Variants in XKR6 observed in about 807,000 individuals in gnomAD.
XKR6 encodes the protein XK-related protein 6.
Under a neutral mutation model 56.7 loss-of-function variants are expected in XKR6, and 22 were observed. The ratio of observed to expected loss-of-function variants is 0.39; its 90% confidence interval spans 0.28 to 0.55. The LOEUF is 0.55. Among genes scored for constraint, XKR6 ranks in the 20% least tolerant of loss-of-function variants. The pLI is 0.66. For missense variants in XKR6, 852 were observed against 889.0 expected (o/e 0.96, Z 0.53); for synonymous variants, 524 against 387.8 (o/e 1.35, Z -4.13).
At position 11,059,252 on chromosome 8, in the gene XKR6, C is replaced by T. The variant is rs150460975; in HGVS notation, c.765-134422G>A. Among the ~76,000 whole-genome samples, 1,164 of 151,616 alleles carry T rather than the reference C, an allele frequency of 7.7e-3. 16 individuals are homozygous for T. The highest frequency in any genetic ancestry group is 9.2e-3 in the Non-Finnish European group (625 of 67,754). On this transcript the variant is annotated intron_variant, in intron 1 of 2. Transcript: ENST00000416569. Reference sequence around the variant, plus strand: ...CCTGCGCTGGCCAGCGTCGTGTAGGCCGGGCCCAGCGCGGTCCTGGCGCCT... The same window carrying T: ...CCTGCGCTGGCCAGCGTCGTGTAGGTCGGGCCCAGCGCGGTCCTGGCGCCT...
At chr8:11,040,813 A>C (rs1799267826) in intron 1 of XKR6, among the ~76,000 whole-genome samples, 1 of 152,156 alleles carries the variant, frequency 6.6e-6, no homozygotes, top group Non-Finnish European at 1.5e-5. Flanking sequence ...GGGGGACATT[A>C]ACACTCTGGC....
intron 1 of XKR6, among the ~76,000 whole-genome samples, chr8:11,122,666 G>A (rs1291079800): frequency 1.3e-5 from 2 of 152,168 alleles, no homozygotes; most frequent in East Asian, 1.9e-4. Context: ...TAATGTAATT[G>A]TTCTTCAAAA....
intron 2 of XKR6, among the ~76,000 whole-genome samples, chr8:10,919,256 G>C (rs1209190991): frequency 6.6e-6 from 1 of 152,182 alleles, no homozygotes; most frequent in Non-Finnish European, 1.5e-5. Flanking sequence ...TTCCCAAGTT[G>C]GTTCCTGCTC....
chr8:11,000,522 TA>T (rs1489744331), intron 1 of XKR6, among the ~76,000 whole-genome samples: 2 of 151,958 alleles, frequency 1.3e-5, no homozygotes, highest in African/African-American at 4.8e-5. Context: ...CCCCGTCTAC[TA>T]AAAATGCAAA....
rs373676910 is a variant in XKR6, at chr8:10,898,711, G to A, written c.1167C>T (p.Phe389=). 1.8e-5 allele frequency: 29 copies of A among 1,613,950 alleles called. No individual in the cohort carries two copies. Among genetic ancestry groups the A allele is most frequent in the African/African-American group, 2.7e-5 (2 of 74,856 alleles). The change falls in exon 3 of 3, where the codon TTC becomes TTT. Residue 389 remains phenylalanine, a synonymous_variant. Transcript: ENST00000416569. The surrounding 1 kb of genome is among the most constrained non-coding windows in gnomAD (Gnocchi z 6.6). The part of the protein sequence containing the change: ...ASIFQLYFGI[F]VVVHWCAMAF... ...CCATGGCGCACCAGTGAACCACCAC[G>A]AAGATCCCAAAATAGAGCTGGAAGA... is the stretch of plus-strand genomic sequence containing the variant.
chr8:11,014,756 C>T (rs998670271), intron 1 of XKR6, among the ~76,000 whole-genome samples: 10 of 152,250 alleles, frequency 6.6e-5, no homozygotes, highest in Admixed American at 3.3e-4. Context: ...AGAAAAAGCC[C>T]TTTTGGGACC....
intron 1 of XKR6, among the ~76,000 whole-genome samples, chr8:11,076,069 A>G (rs889929695): frequency 3.9e-5 from 6 of 152,180 alleles, no homozygotes; most frequent in African/African-American, 1.4e-4. Context: ...GGCACACACT[A>G]CAACACGGGC....
At chr8:10,951,849 G>C (rs1465384336) in intron 1 of XKR6, among the ~76,000 whole-genome samples, 2 of 152,166 alleles carry the variant, frequency 1.3e-5, no homozygotes, top group Admixed American at 6.5e-5. Flanking sequence ...GACCAAGGAG[G>C]GGGCAGGGGT....
chr8:11,009,997 A>T (rs1036570642), intron 1 of XKR6, among the ~76,000 whole-genome samples: 13 of 152,258 alleles, frequency 8.5e-5, no homozygotes, highest in African/African-American at 3.1e-4. Flanking sequence ...ATTGCTATAA[A>T]GAACTACCTG....
chr8:11,120,020 T>C (rs1224339779), intron 1 of XKR6, among the ~76,000 whole-genome samples: 2 of 152,190 alleles, frequency 1.3e-5, no homozygotes, highest in East Asian at 1.9e-4. Context: ...AAATTAGGTA[T>C]TGATGGGACA....
chr8:10,949,044 C>G (rs967204643), intron 1 of XKR6, among the ~76,000 whole-genome samples: 6 of 152,196 alleles, frequency 3.9e-5, no homozygotes, highest in African/African-American at 1.4e-4. Flanking sequence ...CTGAGTGAGC[C>G]TCACACTCAC....
At chr8:10,975,404 G>C (rs957244231) in intron 1 of XKR6, among the ~76,000 whole-genome samples, 2 of 152,232 alleles carry the variant, frequency 1.3e-5, no homozygotes, top group African/African-American at 2.4e-5. Context: ...GCAGGTGCAG[G>C]TGCACTGCCC....
intron 1 of XKR6, among the ~76,000 whole-genome samples, chr8:11,042,747 G>T (rs1353471376): frequency 2.0e-5 from 3 of 152,220 alleles, no homozygotes; most frequent in East Asian, 3.8e-4. Flanking sequence ...AGATTTTGGA[G>T]CATTTGGATT....
intron 1 of XKR6, among the ~76,000 whole-genome samples, chr8:11,017,551 C>G (rs1798654310): frequency 6.6e-6 from 1 of 152,274 alleles, no homozygotes; most frequent in Admixed American, 6.5e-5. Flanking sequence ...CCTGTTGCAG[C>G]TGCCTGTGGC....
At chr8:11,082,739 T>C (rs1168362540) in intron 1 of XKR6, among the ~76,000 whole-genome samples, 1 of 152,148 alleles carries the variant, frequency 6.6e-6, no homozygotes, top group East Asian at 1.9e-4. Flanking sequence ...ACAGCTCAGG[T>C]TTGACAGAGC....
intron 1 of XKR6, among the ~76,000 whole-genome samples, chr8:11,119,610 C>A (rs978501043): frequency 1.3e-5 from 2 of 152,034 alleles, no homozygotes; most frequent in African/African-American, 4.8e-5. Context: ...CTGTTTTATC[C>A]GAGACTAGGA....
intron 1 of XKR6, among the ~76,000 whole-genome samples, chr8:11,009,280 G>A (rs1419674495): frequency 2.0e-5 from 3 of 152,314 alleles, no homozygotes; most frequent in South Asian, 2.1e-4. Flanking sequence ...GGAGGCCAAG[G>A]TGAGCAGATT....
In XKR6 at chr8:10,984,730, C is replaced by CTATATATATA. The variant is rs1292575640; in HGVS notation, c.765-59901_765-59900insTATATATATA. ...TCTCTCTCTCTCTCTCTCTCTCTCT[C>CTATATATATA]TCTATATATATATATATATATATAT... On this transcript the variant is annotated intron_variant, in intron 1 of 2. Transcript: ENST00000416569. 2.5e-3 allele frequency among the ~76,000 whole-genome samples: 159 copies of CTATATATATA among 63,636 alleles called. 1 individual carries two copies. The highest frequency in any genetic ancestry group is 9.2e-3 in the African/African-American group (133 of 14,396). 41.7% of individuals were successfully genotyped at this position (63,636 alleles called of 152,430 possible). A position where few individuals can be genotyped will look rare whatever the true frequency, so the allele number is the denominator to read the frequency against.
chr8:11,087,791 C>T (rs776268297), intron 1 of XKR6, among the ~76,000 whole-genome samples: 10 of 152,164 alleles, frequency 6.6e-5, no homozygotes, highest in Non-Finnish European at 1.2e-4. Context: ...TGATCTCACA[C>T]GCAAAGGTCA....
Sources: gnomAD v4.1 joint callset for allele counts (sites outside exome capture counted in the v4.1 genomes callset) on GRCh38, gnomAD v4.1.1 for gene constraint, Gnocchi (gnomAD v3.1) non-coding constraint, MANE v1.5 for transcripts, NCBI Gene and HGNC (gene_info 2026-07-23, HGNC 2026-07-21) for gene names.